Variants in DCLK1 observed in about 807,000 individuals in gnomAD.
The protein encoded by DCLK1 is doublecortin like kinase 1.
DCLK1 carries 16 observed loss-of-function variants against 86.2 expected under a neutral mutation model. The ratio of observed to expected loss-of-function variants is 0.19; its 90% CI spans 0.13 to 0.28. The LOEUF is 0.28. DCLK1 is among the 10% of genes least tolerant of loss of function. The pLI, the probability that DCLK1 is intolerant of heterozygous loss-of-function variation, is 1.00. For synonymous variants in DCLK1, 369 were observed against 370.5 expected, an observed-to-expected ratio of 1.00 and a Z score of 0.05; for missense variants, 590 against 940.2, an observed-to-expected ratio of 0.63 and a Z score of 4.87.
At chr13:36,005,563 C>T (rs1173573637) in intron 3 of DCLK1, among the ~76,000 whole-genome samples, 1 of 152,174 alleles carries the variant, frequency 6.6e-6, no homozygotes, top group African/African-American at 2.4e-5. Flanking sequence ...AAGTAACACT[C>T]CATAGGTATC....
chr13:36,002,080 A>G (rs1880746708), intron 3 of DCLK1, among the ~76,000 whole-genome samples: 1 of 152,224 alleles, frequency 6.6e-6, no homozygotes, highest in Non-Finnish European at 1.5e-5. Flanking sequence ...CAGGTAAAAC[A>G]TATGATAAAA....
intron 3 of DCLK1, among the ~76,000 whole-genome samples, chr13:36,057,758 G>A (rs567807892): frequency 2.0e-5 from 3 of 152,096 alleles, no homozygotes; most frequent in African/African-American, 7.2e-5. Context: ...GAAACATGGG[G>A]GTGTAGAGAG....
chr13:36,070,130 G>C (rs1002495631), intron 3 of DCLK1, among the ~76,000 whole-genome samples: 1 of 151,980 alleles, frequency 6.6e-6, no homozygotes, highest in Admixed American at 6.6e-5. Flanking sequence ...CATAATGCCT[G>C]AAAAGTTGAA....
At chr13:35,948,268 C>G (rs1295730501) in intron 3 of DCLK1, among the ~76,000 whole-genome samples, 1 of 152,218 alleles carries the variant, frequency 6.6e-6, no homozygotes, top group Non-Finnish European at 1.5e-5. Flanking sequence ...AATACCAACA[C>G]TAGGAACACT....
intron 3 of DCLK1, among the ~76,000 whole-genome samples, chr13:36,075,799 C>G (rs1225919639): frequency 6.6e-6 from 1 of 152,182 alleles, no homozygotes; most frequent in Middle Eastern, 3.4e-3. Context: ...GGCAGATCAC[C>G]TGAGGTCAGG....
intron 4 of DCLK1, among the ~76,000 whole-genome samples, chr13:35,875,777 G>T (rs537651845): frequency 1.8e-4 from 28 of 152,268 alleles, no homozygotes; most frequent in African/African-American, 6.5e-4. Flanking sequence ...GCATGAAGTA[G>T]CTGCTCGATA....
chr13:35,885,113 T>C (rs1873147971), intron 4 of DCLK1, among the ~76,000 whole-genome samples: 1 of 152,148 alleles, frequency 6.6e-6, no homozygotes, highest in African/African-American at 2.4e-5. Context: ...GAGGTGGGCA[T>C]CAAGCTTGAT....
At chr13:35,845,262 A>G (rs967292606) in intron 6 of DCLK1, among the ~76,000 whole-genome samples, 2 of 152,104 alleles carry the variant, frequency 1.3e-5, no homozygotes, top group African/African-American at 4.8e-5. Context: ...AAATATGTAT[A>G]TATTTTTTCT....
intron 3 of DCLK1, among the ~76,000 whole-genome samples, chr13:36,026,563 T>G (rs1882041385): frequency 6.6e-6 from 1 of 152,246 alleles, no homozygotes; most frequent in Admixed American, 6.5e-5. Context: ...CTTAAATGAT[T>G]ATTTGAAATA....
chr13:35,957,382 CAT>C (rs1293361053), intron 3 of DCLK1, among the ~76,000 whole-genome samples: 1 of 152,252 alleles, frequency 6.6e-6, no homozygotes, highest in East Asian at 1.9e-4. Context: ...CACACAAATG[CAT>C]TCTGGTGCTA....
intron 4 of DCLK1, among the ~76,000 whole-genome samples, chr13:35,887,756 T>C (rs1280992160): frequency 6.6e-6 from 1 of 151,516 alleles, no homozygotes; most frequent in Non-Finnish European, 1.5e-5. Flanking sequence ...CCAATAAAAA[T>C]AGAAGCTTTC....
At chr13:35,980,170 C>A (rs1879561221) in intron 3 of DCLK1, among the ~76,000 whole-genome samples, 1 of 152,122 alleles carries the variant, frequency 6.6e-6, no homozygotes, top group African/African-American at 2.4e-5. Flanking sequence ...AAAATGAACT[C>A]CCTGGCTGAG....
chr13:35,980,476 T>G (rs751723021), intron 3 of DCLK1, among the ~76,000 whole-genome samples: 1 of 151,942 alleles, frequency 6.6e-6, no homozygotes. Flanking sequence ...GGACTCCGTG[T>G]TCCCCCCGGC....
intron 4 of DCLK1, among the ~76,000 whole-genome samples, chr13:35,906,805 A>G (rs938330594): frequency 1.3e-5 from 2 of 152,226 alleles, no homozygotes; most frequent in Admixed American, 1.3e-4. Flanking sequence ...AGCATGGTCC[A>G]GAAGTCACAG....
At chr13:35,931,084 G>A (rs1279177959) in intron 4 of DCLK1, among the ~76,000 whole-genome samples, 1 of 152,120 alleles carries the variant, frequency 6.6e-6, no homozygotes, top group Non-Finnish European at 1.5e-5. Context: ...GCTCCCTTAC[G>A]TTGTTTCCCA....
chr13:35,853,497 C>T (rs1279719593), intron 6 of DCLK1, among the ~76,000 whole-genome samples: 1 of 152,194 alleles, frequency 6.6e-6, no homozygotes, highest in South Asian at 2.1e-4. Flanking sequence ...CCGCCCCGCA[C>T]TCTTAGACGT....
At chr13:36,111,820 C>T in intron 3 of DCLK1, 49 bp downstream of exon 3, 1 of 1,546,596 alleles carries the variant, frequency 6.5e-7, no homozygotes. Flanking sequence ...CCCTCCGACT[C>T]CCTGGTTCTT....
chr13:36,030,092 T>C (rs1882208856), intron 3 of DCLK1, among the ~76,000 whole-genome samples: 1 of 152,124 alleles, frequency 6.6e-6, no homozygotes, highest in Admixed American at 6.5e-5. Flanking sequence ...ATAGAGCACG[T>C]CCAAGGGAGG....
intron 3 of DCLK1, among the ~76,000 whole-genome samples, chr13:36,020,441 T>G (rs1171109189): frequency 1.3e-5 from 2 of 152,162 alleles, no homozygotes; most frequent in Non-Finnish European, 2.9e-5. Flanking sequence ...ACCAAAGGCT[T>G]GCACCAATTT....
Sources: gnomAD v4.1 joint callset for allele counts (sites outside exome capture counted in the v4.1 genomes callset) on GRCh38, gnomAD v4.1.1 for gene constraint, MANE v1.5 for transcripts, NCBI Gene and HGNC (gene_info 2026-07-23, HGNC 2026-07-21) for gene names.